Variants in COL4A3 observed in about 807,000 individuals in gnomAD.
COL4A3 encodes collagen alpha-3(IV) chain.
COL4A3 carries 135 observed loss-of-function variants against 217.4 expected under a neutral mutation model. The observed-to-expected ratio is 0.62, with a 90% CI of 0.54 to 0.72. The LOEUF (loss-of-function observed/expected upper bound fraction) is 0.72. COL4A3 is among the 30% of genes least tolerant of loss of function. COL4A3 has a pLI of 0.00. For synonymous variants in COL4A3, 690 were observed against 736.3 expected (o/e 0.94, Z 1.02); for missense variants, 1,868 against 2,119.9 (o/e 0.88, Z 2.33).
At chr2:227,275,067 G>A (rs545629770) in intron 26 of COL4A3, among the ~76,000 whole-genome samples, 1 of 152,336 alleles carries the variant, frequency 6.6e-6, no homozygotes, top group East Asian at 1.9e-4. Context: ...TGGCAGAATT[G>A]AGTAGTTGGG....
At chr2:227,303,231 C>T (rs773342953) in intron 44 of COL4A3, 121 bp downstream of exon 44, 13 of 788,350 alleles carry the variant, frequency 1.6e-5, no homozygotes, top group African/African-American at 6.8e-5. Flanking sequence ...GACCTCAATA[C>T]GAGTGAAGTA....
At chr2:227,295,215 A>G in intron 40 of COL4A3, 54 bp from the exon 41 acceptor site, 8 of 1,579,070 alleles carry the variant, frequency 5.1e-6, no homozygotes, top group Non-Finnish European at 7.0e-6. Flanking sequence ...TCTCATAGAC[A>G]TATAATGTAA....
intron 47 of COL4A3, 80 bp from the exon 48 acceptor site, chr2:227,307,630 A>C: frequency 1.3e-4 from 120 of 898,686 alleles, no homozygotes; most frequent in Non-Finnish European, 1.8e-4. Context: ...CATATATAAA[A>C]TATATTTAAA....
intron 1 of COL4A3, among the ~76,000 whole-genome samples, chr2:227,189,167 A>G (rs2066140063): frequency 6.6e-6 from 1 of 152,150 alleles, no homozygotes; most frequent in Non-Finnish European, 1.5e-5. Context: ...GGAGAAAGGC[A>G]GGGCTCCATC....
At chr2:227,254,591 T>TA (rs1489873538) in intron 14 of COL4A3, 65 bp from the exon 15 acceptor site, 3 of 1,253,152 alleles carry the variant, frequency 2.4e-6, no homozygotes, top group South Asian at 2.4e-5. Flanking sequence ...GACAAATTAA[T>TA]AAAAATCAAT....
intron 1 of COL4A3, chr2:227,222,554 A>T (rs1275811354): frequency 6.6e-6 from 1 of 152,258 alleles, no homozygotes; most frequent in Non-Finnish European, 1.5e-5. Context: ...GGGGTGGTGG[A>T]GAAGGCATGT....
In COL4A3 at chr2:227,250,723, T is replaced by C. The variant is rs1296961992; in HGVS notation, c.547-417T>C. Among the ~76,000 whole-genome samples, 2 of 151,910 alleles carry C rather than the reference T, an allele frequency of 1.3e-5. No individual in the cohort carries two copies. Among genetic ancestry groups the C allele is most frequent in the African/African-American group, 4.8e-5 (2 of 41,336 alleles). ...CTTTATGGAAAGGATGACAATTGCA[T>C]AAAGACAAGAAAAGGAAAAGGGAGT... is the stretch of plus-strand genomic sequence containing the variant. On this transcript the variant is annotated intron_variant, in intron 9 of 51. Coordinates refer to ENST00000396578, the MANE Select transcript of COL4A3 (RefSeq NM_000091.5). The surrounding 1 kb of genome is among the most constrained non-coding windows in gnomAD (Gnocchi z 4.1).
At chr2:227,272,468 T>G (rs2071299965) in intron 25 of COL4A3, among the ~76,000 whole-genome samples, 1 of 152,244 alleles carries the variant, frequency 6.6e-6, no homozygotes, top group Non-Finnish European at 1.5e-5. Flanking sequence ...TACAAATCAT[T>G]TTCAAGGTTA....
chr2:227,270,927 G>A lies in COL4A3; in HGVS notation c.1733G>A (p.Gly578Glu), dbSNP rs1210472222. The change falls in exon 25 of 52, where the codon GGA becomes GAA. Residue 578 changes from glycine (G) to glutamate (E), a missense_variant. This residue lies in a region of COL4A3 where 1,503 missense variants were observed against 1,786.1 expected (regional missense o/e 0.84). Coordinates refer to ENST00000396578, the MANE Select transcript of COL4A3 (RefSeq NM_000091.5). ...ATTCCTGGAACTCCGGGAGTGAAAG[G>A]ATTACCAGGACCTAAAGGCGAACTG... ...DGIPGTPGVK[G>E]LPGPKGELAL... 1 of 1,613,994 alleles carries A rather than the reference G, an allele frequency of 6.2e-7. No individual in the cohort carries two copies. The highest frequency in any genetic ancestry group is 1.7e-5 in the Admixed American group (1 of 59,996).
chr2:227,303,987 C>G, intron 45 of COL4A3, 32 bp from the exon 46 acceptor site: 1 of 1,614,226 alleles, frequency 6.2e-7, no homozygotes, highest in Non-Finnish European at 8.5e-7. Flanking sequence ...ATCCGTGAGG[C>G]CATCATCTTC....
At chr2:227,178,308 G>A (rs2065755467) in intron 1 of COL4A3, among the ~76,000 whole-genome samples, 2 of 152,122 alleles carry the variant, frequency 1.3e-5, no homozygotes, top group Admixed American at 1.3e-4. Flanking sequence ...CTTGAGCCCT[G>A]CAGAGTGGAG....
rs1559854632 is a variant in COL4A3 at position 227,237,968 on chromosome 2, G to C, written c.88G>C (p.Gly30Arg). ...LLAAAPAASK[G>R]CVCKDKGQCF... is the part of the protein sequence containing the mutation. ...ACCCTTTCTCTTTCCCTCTTCCTAG[G>C]GTTGTGTCTGTAAAGACAAAGGCCA... Residue 30 changes from glycine (G) to arginine (R), a missense_variant and splice_region_variant, in exon 2 of 52, where the codon GGT becomes CGT. Gly to Arg is a moderately radical substitution (Grantham distance 125). Coordinates refer to ENST00000396578, the MANE Select transcript of COL4A3 (RefSeq NM_000091.5). 6.2e-7 allele frequency: 1 copy of C among 1,609,198 alleles called. No individual in the cohort carries two copies. Among genetic ancestry groups the C allele is most frequent in the Non-Finnish European group, 8.5e-7 (1 of 1,175,800 alleles).
At position 227,314,729 on chromosome 2, in the gene COL4A3, CT is replaced by C. The variant is rs2073849808; in HGVS notation, c.*2860del. ...ATAATATTTTAATGTACTAATATTT[CT>C]GTAATTATATCTAAAATATTATTTT... On this transcript the variant is annotated 3_prime_UTR_variant, in exon 52 of 52. Coordinates refer to ENST00000396578, the MANE Select transcript of COL4A3 (RefSeq NM_000091.5). The C allele has an allele frequency of 6.6e-6, 1 of 151,434 alleles. No individual in the cohort carries two copies. Among genetic ancestry groups the C allele is most frequent in the Non-Finnish European group, 1.5e-5 (1 of 67,888 alleles). 9.4% of individuals were successfully genotyped at this position (151,434 alleles called of 1,614,324 possible). A position where few individuals can be genotyped will look rare whatever the true frequency, so the allele number is the denominator to read the frequency against.
intron 1 of COL4A3, among the ~76,000 whole-genome samples, chr2:227,215,536 G>A (rs969936635): frequency 6.6e-6 from 1 of 152,108 alleles, no homozygotes. Flanking sequence ...TTGGCTCACT[G>A]CAAACTCTGC....
At chr2:227,177,739 G>T (rs114354686) in intron 1 of COL4A3, among the ~76,000 whole-genome samples, 3,030 of 152,226 alleles carry the variant, frequency 0.02, 115 homozygotes, top group African/African-American at 0.069. Flanking sequence ...GCACCGTCCT[G>T]CTGTGTCCCA....
intron 1 of COL4A3, among the ~76,000 whole-genome samples, chr2:227,192,059 CATTCATTTTTATCTCTCTGTGCTCAAGT>C (rs2066263852): frequency 1.3e-5 from 2 of 152,214 alleles, no homozygotes; most frequent in African/African-American, 2.4e-5. Flanking sequence ...TAAATTCAAG[CATTCATTTTTATCTCTCTGTGCTCAAGT>C]ATTCATTTTT....
intron 1 of COL4A3, among the ~76,000 whole-genome samples, chr2:227,195,663 A>ATGTGTGTGTGTG (rs1367563699): frequency 7.0e-4 from 56 of 79,748 alleles, no homozygotes; most frequent in African/African-American, 3.0e-3. Context: ...ACATATATAT[A>ATGTGTGTGTGTG]TATATGTGTG....
intron 1 of COL4A3, among the ~76,000 whole-genome samples, chr2:227,207,458 A>G (rs2067143829): frequency 6.6e-6 from 1 of 151,970 alleles, no homozygotes; most frequent in Non-Finnish European, 1.5e-5. Context: ...TGCAGAGTCC[A>G]GTTAACAAGA....
intron 1 of COL4A3, among the ~76,000 whole-genome samples, chr2:227,179,139 T>C (rs1167219075): frequency 6.6e-6 from 1 of 151,456 alleles, no homozygotes; most frequent in Non-Finnish European, 1.5e-5. Flanking sequence ...TTTTGTAGAC[T>C]GGGGTTTCTC....
Sources: gnomAD v4.1 joint callset for allele counts (sites outside exome capture counted in the v4.1 genomes callset) on GRCh38, gnomAD v4.1.1 for gene constraint, gnomAD v4.1.1 regional missense constraint, Gnocchi (gnomAD v3.1) non-coding constraint, MANE v1.5 for transcripts, NCBI Gene and HGNC (gene_info 2026-07-23, HGNC 2026-07-21) for gene names.